BBOX1: variants seen among roughly 807,000 people sequenced by gnomAD.
BBOX1 encodes gamma-butyrobetaine dioxygenase.
In BBOX1, 35 loss-of-function variants were observed where a neutral mutation model predicts 41.6. The observed-to-expected ratio is 0.84, with a 90% confidence interval of 0.64 to 1.11. BBOX1 has a LOEUF of 1.11. BBOX1 is among the 50% of genes most tolerant of loss of function. BBOX1 has a pLI of 0.00. For missense variants in BBOX1, 458 were observed against 460.6 expected (o/e 0.99, Z 0.05); for synonymous variants, 163 against 154.7 (o/e 1.05, Z -0.40).
intron 4 of BBOX1, among the ~76,000 whole-genome samples, chr11:27,059,799 G>A (rs1857086854): frequency 6.6e-6 from 1 of 152,150 alleles, no homozygotes; most frequent in African/African-American, 2.4e-5. Flanking sequence ...CATGGGCCCT[G>A]TACTCCCCTT....
At chr11:27,109,514 T>C (rs1001375870) in intron 5 of BBOX1, among the ~76,000 whole-genome samples, 1 of 151,966 alleles carries the variant, frequency 6.6e-6, no homozygotes, top group Non-Finnish European at 1.5e-5. Flanking sequence ...AGCTAGATTT[T>C]CATTAATGGG....
At chr11:27,056,389 C>G (rs1856981236) in intron 3 of BBOX1, among the ~76,000 whole-genome samples, 1 of 152,104 alleles carries the variant, frequency 6.6e-6, no homozygotes, top group Non-Finnish European at 1.5e-5. Context: ...TCCCAAGTAG[C>G]TGGAATTACA....
chr11:27,077,895 C>T (rs751667335), intron 4 of BBOX1, among the ~76,000 whole-genome samples: 3 of 152,060 alleles, frequency 2.0e-5, no homozygotes, highest in Non-Finnish European at 4.4e-5. Flanking sequence ...GCCTCTCTGT[C>T]CATACCCAGC....
At chr11:27,113,468 CA>C (rs1483861644) in intron 5 of BBOX1, among the ~76,000 whole-genome samples, 7 of 151,860 alleles carry the variant, frequency 4.6e-5, no homozygotes, top group African/African-American at 1.7e-4. Context: ...GAATACTATA[CA>C]GCTATATGAA....
rs533757338 is a variant in BBOX1 at position 27,044,286 on chromosome 11, GT to G, written c.-39+2817del. 7.1e-4 allele frequency among the ~76,000 whole-genome samples: 107 copies of G among 151,050 alleles called. 1 individual carries two copies. The highest frequency in any genetic ancestry group is 2.3e-3 in the African/African-American group (95 of 41,264). On this transcript the variant is annotated intron_variant, in intron 2 of 8. Transcript: ENST00000263182. ...CATATCTTTTGCCCATTTTTGATGG[GT>G]TTTTTTTTCTTGTAAATTTGTTGAA...
At chr11:27,100,563 T>C (rs763906055) in intron 5 of BBOX1, among the ~76,000 whole-genome samples, 2 of 152,098 alleles carry the variant, frequency 1.3e-5, no homozygotes, top group Non-Finnish European at 2.9e-5. Flanking sequence ...ATGTGTATTC[T>C]AGTAAGTATT....
At chr11:27,047,315 A>G (rs1467623956) in intron 2 of BBOX1, 1 of 152,220 alleles carries the variant, frequency 6.6e-6, no homozygotes, top group Non-Finnish European at 1.5e-5. Flanking sequence ...ATTCAAACCT[A>G]GGTAGAAGAA....
chr11:27,077,980 C>T (rs1466452297), intron 4 of BBOX1, among the ~76,000 whole-genome samples: 1 of 152,042 alleles, frequency 6.6e-6, no homozygotes, highest in East Asian at 1.9e-4. Flanking sequence ...GTCTCATTGC[C>T]TACAGAATAA....
At chr11:27,060,230 C>A (rs1857099036) in intron 4 of BBOX1, among the ~76,000 whole-genome samples, 1 of 152,066 alleles carries the variant, frequency 6.6e-6, no homozygotes, top group African/African-American at 2.4e-5. Flanking sequence ...CAAATGAGTT[C>A]TTTGAAGATC....
intron 4 of BBOX1, among the ~76,000 whole-genome samples, chr11:27,087,040 T>C (rs1169988886): frequency 6.6e-6 from 1 of 152,078 alleles, no homozygotes; most frequent in East Asian, 1.9e-4. Context: ...GTTGATTCTT[T>C]TGAATGGGCA....
intron 5 of BBOX1, among the ~76,000 whole-genome samples, chr11:27,112,381 C>T (rs780729199): frequency 6.6e-6 from 1 of 151,902 alleles, no homozygotes; most frequent in Non-Finnish European, 1.5e-5. Context: ...ACAGGGCACA[C>T]GTAGGTGCCT....
At chr11:27,057,821 C>T (rs1276093629) in intron 4 of BBOX1, among the ~76,000 whole-genome samples, 2 of 152,026 alleles carry the variant, frequency 1.3e-5, no homozygotes, top group Non-Finnish European at 2.9e-5. Flanking sequence ...TGTACACACA[C>T]ATGCACACAA....
At chr11:27,082,363 G>A (rs7129825) in intron 4 of BBOX1, among the ~76,000 whole-genome samples, 44,764 of 152,000 alleles carry the variant, frequency 0.29, 9,196 homozygotes, top group African/African-American at 0.58. Flanking sequence ...TGTGTGGCAC[G>A]TCATTGAAAG....
At chr11:27,076,445 T>C (rs1053141176) in intron 4 of BBOX1, among the ~76,000 whole-genome samples, 6 of 152,174 alleles carry the variant, frequency 3.9e-5, no homozygotes, top group African/African-American at 1.4e-4. Context: ...ACACACATTT[T>C]CTCCTTCTTG....
intron 5 of BBOX1, among the ~76,000 whole-genome samples, chr11:27,113,664 T>A (rs1477158722): frequency 6.6e-6 from 1 of 151,454 alleles, no homozygotes; most frequent in Non-Finnish European, 1.5e-5. Flanking sequence ...AGGGTGGAGG[T>A]TGGGAAGACG....
rs564372019 is a variant in BBOX1, at chr11:27,093,470, G to C, written c.533+104G>C. The C allele has an allele frequency of 9.0e-5, 105 of 1,173,130 alleles. No homozygotes were observed. The African/African-American group carries it at 1.5e-3, about 17-fold the overall frequency. The allele number at this position is 1,173,130 out of a possible 1,614,324, so 72.7% of individuals were successfully genotyped here. A position where few individuals can be genotyped will look rare whatever the true frequency, so the allele number is the denominator to read the frequency against. On this transcript the variant is annotated intron_variant, in intron 5 of 8. Coordinates refer to ENST00000263182, the MANE Select transcript of BBOX1 (RefSeq NM_003986.3). ...TTGAAGATACAGAAATTCTCATAAT[G>C]TCTTGAGTAGGAAGTCAGATAAAAA...
At position 27,119,657 on chromosome 11, in the gene BBOX1, T is replaced by C; in HGVS notation, c.648T>C (p.Leu216=). 3.5e-6 allele frequency: 5 copies of C among 1,444,404 alleles called. No homozygotes were observed. Among genetic ancestry groups the C allele is most frequent in the Non-Finnish European group, 4.6e-6 (5 of 1,098,572 alleles). 89.5% of individuals were successfully genotyped at this position (1,444,404 alleles called of 1,614,324 possible). A position where few individuals can be genotyped will look rare whatever the true frequency, so the allele number is the denominator to read the frequency against. ...ATATTTTCTTTTTATAGGTTCAGCT[T>C]CTTCACTGCATAAAGCAAACAGTCA... ...PALHHPPGVQ[L]LHCIKQTVTG... is the part of the protein sequence containing the mutation. The change falls in exon 7 of 9, where the codon CTT becomes CTC. Residue 216 remains leucine (L), a synonymous_variant. Coordinates refer to ENST00000263182, the MANE Select transcript of BBOX1 (RefSeq NM_003986.3).
At chr11:27,056,239 C>A (rs1481275921) in intron 3 of BBOX1, among the ~76,000 whole-genome samples, 1 of 152,058 alleles carries the variant, frequency 6.6e-6, no homozygotes, top group Non-Finnish European at 1.5e-5. Flanking sequence ...TACTCCTTAT[C>A]ATCACTACTA....
chr11:27,100,445 A>G (rs1259138352), intron 5 of BBOX1, among the ~76,000 whole-genome samples: 1 of 152,150 alleles, frequency 6.6e-6, no homozygotes, highest in Non-Finnish European at 1.5e-5. Context: ...TGAGTTCTAA[A>G]TTTAATTGTA....
Sources: allele counts gnomAD v4.1 joint callset (sites outside exome capture counted in the v4.1 genomes callset), GRCh38; gene constraint gnomAD v4.1.1; transcripts MANE v1.5; gene names NCBI Gene and HGNC (gene_info 2026-07-23, HGNC 2026-07-21).